Variants in USP24 observed in about 807,000 individuals in gnomAD.
USP24 encodes ubiquitin carboxyl-terminal hydrolase 24.
USP24 carries 97 observed loss-of-function variants against 361.6 expected under a neutral mutation model. That is an observed-to-expected ratio of 0.27 (90% CI 0.23 to 0.32). The LOEUF is 0.32. USP24 is among the 10% of genes least tolerant of loss of function. The pLI, the probability that USP24 is intolerant of heterozygous loss-of-function variation, is 1.00. For missense variants in USP24, 2,353 were observed against 3,165.6 expected (o/e 0.74, Z 6.16); for synonymous variants, 1,098 against 1,124.6 (o/e 0.98, Z 0.47).
intron 12 of USP24, among the ~76,000 whole-genome samples, chr1:55,156,611 A>G (rs1449743802): frequency 2.0e-5 from 3 of 152,158 alleles, no homozygotes; most frequent in Non-Finnish European, 4.4e-5. Flanking sequence ...GAAAAAAATT[A>G]TTAATGAAAA....
chr1:55,080,058 A>G (rs969437650), intron 59 of USP24, among the ~76,000 whole-genome samples: 1 of 152,226 alleles, frequency 6.6e-6, no homozygotes, highest in Non-Finnish European at 1.5e-5. Flanking sequence ...AATACTGCCG[A>G]AAGCTGCCAC....
intron 1 of USP24, among the ~76,000 whole-genome samples, chr1:55,186,193 TG>T (rs1257912896): frequency 1.3e-5 from 2 of 152,218 alleles, no homozygotes; most frequent in Middle Eastern, 3.2e-3. Context: ...ACTTATTTTA[TG>T]AGGCAAGTAT....
chr1:55,108,506 G>C (rs770916091), intron 39 of USP24, among the ~76,000 whole-genome samples: 1 of 152,162 alleles, frequency 6.6e-6, no homozygotes, highest in South Asian at 2.1e-4. Flanking sequence ...TTTATGCAAT[G>C]AGACCAGCAC....
At chr1:55,185,805 G>A (rs553618953) in intron 1 of USP24, among the ~76,000 whole-genome samples, 1 of 151,942 alleles carries the variant, frequency 6.6e-6, no homozygotes, top group Non-Finnish European at 1.5e-5. Flanking sequence ...TTGGGCTCAA[G>A]TGAACCTCCC....
intron 5 of USP24, among the ~76,000 whole-genome samples, chr1:55,167,313 G>A (rs1029400151): frequency 4.6e-5 from 7 of 152,102 alleles, no homozygotes; most frequent in South Asian, 2.1e-4. Flanking sequence ...AGATGTAGCC[G>A]TTTAAAGAAC....
At chr1:55,086,075 T>A (rs759443842) in intron 55 of USP24, 37 bp from the exon 56 acceptor site, 1 of 1,595,502 alleles carries the variant, frequency 6.3e-7, no homozygotes, top group Non-Finnish European at 8.6e-7. Context: ...AAAAGCAAGA[T>A]ACATTTCCAC....
At chr1:55,093,788 T>C in intron 52 of USP24, 149 bp downstream of exon 52, 1 of 1,097,402 alleles carries the variant, frequency 9.1e-7, no homozygotes, top group Non-Finnish European at 1.3e-6. Flanking sequence ...CCCCTCTGTG[T>C]CGTGGCATAA....
chr1:55,068,983 TC>T lies in USP24; in HGVS notation c.*61del. The T allele has an allele frequency of 5.1e-6, 8 of 1,568,140 alleles. No individual in the cohort carries two copies. The South Asian group carries it at 8.9e-5, about 17-fold the overall frequency. The stretch of plus-strand genomic sequence containing the variant: ...CTTCCAAAGGGTTCGAGATTCTGAT[TC>T]CAAGAAGGTGCTGAGCATCCAGTAT... On this transcript the variant is annotated 3_prime_UTR_variant, in exon 68 of 68. Transcript: ENST00000294383.
At chr1:55,189,091 A>G (rs1413364167) in intron 1 of USP24, among the ~76,000 whole-genome samples, 9 of 152,040 alleles carry the variant, frequency 5.9e-5, no homozygotes, top group Admixed American at 5.9e-4. Flanking sequence ...TTTCCAAGAC[A>G]GTTTGGCAGT....
Position 55,141,547 on chromosome 1 carries a change from TA to T in USP24, c.2750+68del. On this transcript the variant is annotated intron_variant, in intron 24 of 67. Transcript: ENST00000294383. ...GAAATCAATAACTGAGAAACCTACA[TA>T]AAAAACACCAATCATTTTAAAAAAC... The T allele has an allele frequency of 6.5e-6, 9 of 1,374,830 alleles. No individual in the cohort carries two copies. In the South Asian group the frequency reaches 7.6e-5, roughly 12 times the overall value. The allele number at this position is 1,374,830 out of a possible 1,614,324, so 85.2% of individuals were successfully genotyped here.
chr1:55,100,802 A>C, intron 44 of USP24, 37 bp downstream of exon 44: 6 of 1,558,790 alleles, frequency 3.8e-6, no homozygotes, highest in Non-Finnish European at 5.2e-6. Context: ...CCAAATATTT[A>C]ACATCTTTAA....
At chr1:55,139,083 C>A in intron 24 of USP24, 73 bp from the exon 25 acceptor site, 1 of 1,329,630 alleles carries the variant, frequency 7.5e-7, no homozygotes, top group Non-Finnish European at 1.0e-6. Context: ...TAGTCTGTTT[C>A]ACCAAAACCA....
rs528987136 is a variant in USP24, at chr1:55,194,626, T to C, written c.325-16494A>G. Among the ~76,000 whole-genome samples the C allele has an allele frequency of 1.2e-3, 178 of 152,088 alleles. 1 individual carries two copies. The highest frequency in any genetic ancestry group is 4.1e-3 in the African/African-American group (172 of 41,518). Reference sequence around the variant, plus strand: ...CAAAAAAAAAAGAAAAAAGAAATAGTAGCCTAGTCCACTCCTTAGGCTTCA... The same window carrying C: ...CAAAAAAAAAAGAAAAAAGAAATAGCAGCCTAGTCCACTCCTTAGGCTTCA... On this transcript the variant is annotated intron_variant, in intron 1 of 67. Transcript: ENST00000294383.
chr1:55,182,502 T>C lies in USP24; in HGVS notation c.325-4370A>G, dbSNP rs528062972. On this transcript the variant is annotated intron_variant, in intron 1 of 67. Transcript: ENST00000294383. The stretch of plus-strand genomic sequence containing the variant: ...GTAGTTCATTACCATGGGATATCCA[T>C]CATTAATTTCTACAGAAATTAATAA... Among the ~76,000 whole-genome samples the C allele has an allele frequency of 2.8e-4, 42 of 152,302 alleles. 2 individuals are homozygous for C. In the South Asian group the frequency reaches 7.7e-3, roughly 28 times the overall value.
intron 1 of USP24, among the ~76,000 whole-genome samples, chr1:55,198,010 A>C (rs1644464554): frequency 6.6e-6 from 1 of 152,238 alleles, no homozygotes; most frequent in Admixed American, 6.5e-5. Flanking sequence ...TCTTAACTCA[A>C]ACCTCATATA....
rs185170212 is a variant in USP24, at chr1:55,159,093, C to T, written c.1069-57G>A. ...AGGAACTGTAAAAACATTTTGATCC[C>T]AATTCTTATAACATACACAAGAATA... is the stretch of plus-strand genomic sequence containing the variant. On this transcript the variant is annotated intron_variant, in intron 9 of 67. Transcript: ENST00000294383. The T allele has an allele frequency of 1.9e-4, 259 of 1,336,244 alleles. 1 individual carries two copies. In the East Asian group the frequency reaches 6.9e-3, roughly 36 times the overall value. 82.8% of individuals were successfully genotyped at this position (1,336,244 alleles called of 1,614,324 possible).
intron 24 of USP24, 115 bp downstream of exon 24, chr1:55,141,501 A>G (rs1646888845): frequency 3.1e-6 from 3 of 971,110 alleles, no homozygotes; most frequent in South Asian, 1.6e-5. Flanking sequence ...ACAGCTTGCA[A>G]AAATTATGAT....
intron 59 of USP24, 106 bp from the exon 60 acceptor site, chr1:55,079,765 TGAGTACTCTCACA>T (rs2100421173): frequency 3.5e-6 from 5 of 1,413,620 alleles, no homozygotes; most frequent in Non-Finnish European, 4.6e-6. Context: ...GCACACACAC[TGAGTACTCTCACA>T]GAGTACTCAC....
At chr1:55,136,586 C>A (rs1442129644) in intron 28 of USP24, among the ~76,000 whole-genome samples, 1 of 152,108 alleles carries the variant, frequency 6.6e-6, no homozygotes, top group East Asian at 1.9e-4. Flanking sequence ...GACTGGTGTG[C>A]AAGCTGTGGA....
Sources: gnomAD v4.1 joint callset for allele counts (sites outside exome capture counted in the v4.1 genomes callset) on GRCh38, gnomAD v4.1.1 for gene constraint, MANE v1.5 for transcripts, NCBI Gene and HGNC (gene_info 2026-07-23, HGNC 2026-07-21) for gene names.